DTNA: variants seen among roughly 807,000 people sequenced by gnomAD.
DTNA encodes dystrobrevin alpha.
In DTNA, 43 loss-of-function variants were observed where a neutral mutation model predicts 100.7. The observed-to-expected ratio is 0.43, with a 90% CI of 0.33 to 0.55. DTNA has a LOEUF of 0.55. DTNA is among the 20% of genes least tolerant of loss of function. The pLI, the probability that DTNA is intolerant of heterozygous loss-of-function variation, is 0.04. For synonymous variants in DTNA, 349 were observed against 347.9 expected (o/e 1.00, Z -0.04); for missense variants, 798 against 953.9 (o/e 0.84, Z 2.15).
At chr18:34,877,607 G>T in intron 18 of DTNA, 112 bp from the exon 19 acceptor site, 4 of 876,318 alleles carry the variant, frequency 4.6e-6, no homozygotes, top group South Asian at 4.5e-5. Flanking sequence ...AAAAGGAGAA[G>T]TCTTAGAAGT....
intron 3 of DTNA, 76 bp downstream of exon 3, chr18:34,766,117 T>C (rs2093454790): frequency 6.8e-7 from 1 of 1,464,908 alleles, no homozygotes. Context: ...TTTATTAAAC[T>C]AGATTCTGTT....
intron 11 of DTNA, among the ~76,000 whole-genome samples, chr18:34,831,703 G>T (rs2096014346): frequency 6.6e-6 from 1 of 152,184 alleles, no homozygotes; most frequent in Admixed American, 6.5e-5. Context: ...AGGAGGCAGA[G>T]GTTGTGGTGA....
At chr18:34,778,456 A>G (rs1601862407) in intron 3 of DTNA, among the ~76,000 whole-genome samples, 2 of 152,336 alleles carry the variant, frequency 1.3e-5, no homozygotes, top group East Asian at 3.9e-4. Flanking sequence ...GTTAAAATGT[A>G]CATAACATTT....
chr18:34,547,339 G>C (rs567836092), intron 1 of DTNA, among the ~76,000 whole-genome samples: 1 of 151,862 alleles, frequency 6.6e-6, no homozygotes, highest in Non-Finnish European at 1.5e-5. Context: ...TGTCAGCTTC[G>C]TGCCTTCATT....
rs899147973 is a variant in DTNA, at chr18:34,808,921, C to T, written c.448+2617C>T. 4.6e-5 allele frequency among the ~76,000 whole-genome samples: 7 copies of T among 152,284 alleles called. No homozygotes were observed. In the East Asian group the frequency reaches 1.2e-3, roughly 25 times the overall value. On this transcript the variant is annotated intron_variant, in intron 5 of 22. Coordinates refer to ENST00000444659, the MANE Select transcript of DTNA (RefSeq NM_001386795.1). ...TGTGACCCCGATAAATCGCATTCCC[C>T]ACTTTGAGAGCAGTGCACCTGAATC...
intron 1 of DTNA, among the ~76,000 whole-genome samples, chr18:34,550,252 G>C (rs187848870): frequency 1.3e-5 from 2 of 152,050 alleles, no homozygotes. Context: ...GATTTTCTCC[G>C]CGATCCTTCT....
intron 9 of DTNA, among the ~76,000 whole-genome samples, chr18:34,821,669 T>A (rs1568646319): frequency 6.6e-6 from 1 of 152,218 alleles, no homozygotes; most frequent in African/African-American, 2.4e-5. Context: ...TCTCATTACC[T>A]GCTTCTATGC....
chr18:34,642,485 TTTCC>T (rs60259511), intron 1 of DTNA, among the ~76,000 whole-genome samples: 69 of 151,816 alleles, frequency 4.5e-4, no homozygotes, highest in East Asian at 3.9e-3. Flanking sequence ...GCTGGGTTGC[TTTCC>T]TTCCTTCCTT....
At chr18:34,634,268 A>T (rs910273704) in intron 1 of DTNA, among the ~76,000 whole-genome samples, 3 of 152,182 alleles carry the variant, frequency 2.0e-5, no homozygotes, top group African/African-American at 7.2e-5. Flanking sequence ...AAGCTTGTAA[A>T]AATTATTCAA....
At chr18:34,883,327 T>C (rs1392884449) in intron 21 of DTNA, among the ~76,000 whole-genome samples, 1 of 152,144 alleles carries the variant, frequency 6.6e-6, no homozygotes, top group Non-Finnish European at 1.5e-5. Context: ...TTTTTTTCTT[T>C]TTGAGACAGG....
chr18:34,653,703 G>C (rs1006725316), intron 1 of DTNA, among the ~76,000 whole-genome samples: 5 of 152,028 alleles, frequency 3.3e-5, no homozygotes, highest in Non-Finnish European at 7.4e-5. Context: ...CACACTTGTA[G>C]TCCCAGCTAC....
intron 15 of DTNA, among the ~76,000 whole-genome samples, chr18:34,857,375 C>T (rs1269172467): frequency 6.6e-6 from 1 of 152,200 alleles, no homozygotes; most frequent in Admixed American, 6.5e-5. Context: ...CAGTGCTTTG[C>T]TCCGTCTTAC....
chr18:34,527,111 A>G (rs748729966), intron 1 of DTNA, among the ~76,000 whole-genome samples: 2 of 151,560 alleles, frequency 1.3e-5, no homozygotes, highest in Non-Finnish European at 2.9e-5. Flanking sequence ...TTTCTGTAAC[A>G]CCTTAAACCT....
In DTNA at chr18:34,573,673, A is replaced by G. The variant is rs146371761; in HGVS notation, c.-2+80159A>G. ...ATGGCTCAATCGAGGTAATTAACCT[A>G]TGCATTACCTCATGTAGGTATCATT... On this transcript the variant is annotated intron_variant, in intron 1 of 19. Coordinates refer to the DTNA transcript ENST00000283365. Among the ~76,000 whole-genome samples, 1,226 of 152,344 alleles carry G rather than the reference A, an allele frequency of 8.0e-3. 14 individuals are homozygous for G. Among genetic ancestry groups the G allele is most frequent in the South Asian group, 0.05 (239 of 4,826 alleles).
At chr18:34,641,636 T>C (rs1228827663) in intron 1 of DTNA, among the ~76,000 whole-genome samples, 20 of 152,244 alleles carry the variant, frequency 1.3e-4, no homozygotes, top group Admixed American at 1.3e-3. Context: ...CTCCAATCCC[T>C]GGATTCAACC....
chr18:34,516,176 G>A (rs987847983), intron 1 of DTNA, among the ~76,000 whole-genome samples: 1 of 152,104 alleles, frequency 6.6e-6, no homozygotes, highest in Non-Finnish European at 1.5e-5. Context: ...TTAAAGCTGG[G>A]TGTCCGGGGA....
At chr18:34,864,094 T>A (rs1453128277) in intron 17 of DTNA, 32 bp downstream of exon 17, 1 of 1,572,296 alleles carries the variant, frequency 6.4e-7, no homozygotes, top group Admixed American at 1.8e-5. Context: ...TTCCTGAGCT[T>A]ATTTTCCATG....
chr18:34,671,156 T>C (rs904553483), intron 1 of DTNA, among the ~76,000 whole-genome samples: 2 of 152,148 alleles, frequency 1.3e-5, no homozygotes, highest in African/African-American at 4.8e-5. Flanking sequence ...CGCTGCCACC[T>C]TATAGTTGGA....
intron 1 of DTNA, among the ~76,000 whole-genome samples, chr18:34,690,712 AT>A (rs1229438299): frequency 6.6e-6 from 1 of 152,248 alleles, no homozygotes; most frequent in African/African-American, 2.4e-5. Context: ...ATGTGTTTAA[AT>A]GCAGAAATCA....
Sources: gnomAD v4.1 joint callset for allele counts (sites outside exome capture counted in the v4.1 genomes callset) on GRCh38, gnomAD v4.1.1 for gene constraint, MANE v1.5 for transcripts, NCBI Gene and HGNC (gene_info 2026-07-23, HGNC 2026-07-21) for gene names.